AFAP1: variants seen among roughly 807,000 people sequenced by gnomAD.
AFAP1 encodes the protein actin filament-associated protein 1.
AFAP1 carries 75 observed loss-of-function variants against 93.9 expected under a neutral mutation model. The ratio of observed to expected loss-of-function variants is 0.80; its 90% CI spans 0.66 to 0.97. The LOEUF (loss-of-function observed/expected upper bound fraction) is 0.97. Ranked by LOEUF, AFAP1 falls within the 50% of genes least tolerant of loss-of-function variation. AFAP1 has a pLI of 0.00. For missense variants in AFAP1, 1,201 were observed against 1,050.8 expected (o/e 1.14, Z -1.98); for synonymous variants, 517 against 430.7 (o/e 1.20, Z -2.48).
intron 5 of AFAP1, among the ~76,000 whole-genome samples, chr4:7,840,402 C>T (rs902919041): frequency 1.3e-5 from 2 of 151,990 alleles, no homozygotes; most frequent in East Asian, 1.9e-4. Flanking sequence ...CAACCTCCCC[C>T]TCCTGGGTTC....
At chr4:7,809,507 G>C (rs1429235271) in intron 9 of AFAP1, 107 bp downstream of exon 9, 5 of 1,320,334 alleles carry the variant, frequency 3.8e-6, no homozygotes, top group Middle Eastern at 2.7e-4. Flanking sequence ...CAATGCAAAA[G>C]AGCTCAAATT....
chr4:7,825,347 A>T (rs970601891), intron 6 of AFAP1, among the ~76,000 whole-genome samples: 10 of 152,170 alleles, frequency 6.6e-5, no homozygotes, highest in East Asian at 5.8e-4. Flanking sequence ...TTTAGTTTTT[A>T]AAAAAAATCT....
chr4:7,768,157 C>G (rs547701145), intron 17 of AFAP1, among the ~76,000 whole-genome samples: 1 of 152,238 alleles, frequency 6.6e-6, no homozygotes, highest in African/African-American at 2.4e-5. Flanking sequence ...CCCCTCGGGG[C>G]GGGGCCGGCC....
chr4:7,828,909 T>C (rs1470064632), intron 6 of AFAP1, among the ~76,000 whole-genome samples: 4 of 152,188 alleles, frequency 2.6e-5, no homozygotes, highest in South Asian at 2.1e-4. Flanking sequence ...TCATCTTGAA[T>C]TGTAGTTCCC....
chr4:7,784,747 G>A lies in AFAP1; in HGVS notation c.1530+1447C>T, dbSNP rs548226909. Among the ~76,000 whole-genome samples, 252 of 152,178 alleles carry A rather than the reference G, an allele frequency of 1.7e-3. 3 individuals carry two copies. The highest frequency in any genetic ancestry group is 6.8e-4 in the Non-Finnish European group (46 of 68,000). ...GGATGGGCCACCCACTTCCGACCCC[G>A]GCCACTAGAACCTGCTTTCAGTTTG... On this transcript the variant is annotated intron_variant, in intron 12 of 17. Transcript: ENST00000420658.
chr4:7,768,889 G>C lies in AFAP1; in HGVS notation c.2373C>G (p.Ala791=), dbSNP rs114348397. ...SAAVLKKSQA[A]PGSSPCRGHV... Reference sequence around the variant, plus strand: ...GCCCTCGGCAGGGGGAGCTGCCCGGGGCAGCCTGGCTCTTCTTCAAGACGG... The same window carrying C: ...GCCCTCGGCAGGGGGAGCTGCCCGGCGCAGCCTGGCTCTTCTTCAAGACGG... Residue 791 remains alanine (A), a synonymous_variant, in exon 17 of 18, where the codon GCC becomes GCG. Transcript: ENST00000420658. The C allele has an allele frequency of 9.2e-5, 148 of 1,610,998 alleles. 1 individual carries two copies. In the East Asian group the frequency reaches 3.3e-3, roughly 36 times the overall value.
intron 1 of AFAP1, among the ~76,000 whole-genome samples, chr4:7,881,231 A>G (rs1717825004): frequency 6.6e-6 from 1 of 151,888 alleles, no homozygotes; most frequent in Admixed American, 6.6e-5. Context: ...TCTAGTCTAC[A>G]CCACTCATCC....
chr4:7,842,301 C>CAAAAAAAAAAAAAAAAAAAAAAAAAATAA (rs57050150), intron 5 of AFAP1, among the ~76,000 whole-genome samples: 1 of 94,898 alleles, frequency 1.1e-5, no homozygotes, highest in Non-Finnish European at 2.0e-5. Flanking sequence ...CCTGGATTTA[C>CAAAAAAAAAAAAAAAAAAAAAAAAAATAA]AAAAAAAAAA....
intron 6 of AFAP1, among the ~76,000 whole-genome samples, chr4:7,820,672 G>A (rs1720898311): frequency 6.6e-6 from 1 of 152,142 alleles, no homozygotes; most frequent in Non-Finnish European, 1.5e-5. Context: ...GGGAGGAGGA[G>A]ATGAGCAAAG....
intron 1 of AFAP1, among the ~76,000 whole-genome samples, chr4:7,882,810 G>C (rs930410219): frequency 6.6e-6 from 1 of 152,054 alleles, no homozygotes; most frequent in African/African-American, 2.4e-5. Flanking sequence ...AGTGAGCCGA[G>C]ATAGAGCCAC....
chr4:7,868,374 A>G (rs982825615), intron 3 of AFAP1, among the ~76,000 whole-genome samples: 1 of 152,126 alleles, frequency 6.6e-6, no homozygotes, highest in African/African-American at 2.4e-5. Context: ...AGCTCCTGCT[A>G]TAGGTAATTT....
chr4:7,888,845 C>CA, intron 1 of AFAP1, among the ~76,000 whole-genome samples: 1 of 151,974 alleles, frequency 6.6e-6, no homozygotes, highest in East Asian at 1.9e-4. Context: ...GGCTGGAGTG[C>CA]AGTGGCATGA....
chr4:7,843,478 A>G (rs1005855326), intron 4 of AFAP1, 128 bp from the exon 5 acceptor site: 2 of 896,298 alleles, frequency 2.2e-6, no homozygotes, highest in Non-Finnish European at 3.3e-6. Context: ...TCTGCTCCTT[A>G]AGGGAAAAAA....
chr4:7,770,801 C>A (rs1715321518), intron 16 of AFAP1, among the ~76,000 whole-genome samples: 1 of 152,140 alleles, frequency 6.6e-6, no homozygotes, highest in Non-Finnish European at 1.5e-5. Context: ...CCTGCCCTGC[C>A]ACCACCCTCC....
At chr4:7,884,701 C>A (rs1175480720) in intron 1 of AFAP1, among the ~76,000 whole-genome samples, 1 of 152,054 alleles carries the variant, frequency 6.6e-6, no homozygotes, top group South Asian at 2.1e-4. Context: ...ACTTGAAAAC[C>A]CAAACAGAAA....
At chr4:7,905,154 C>T (rs947129567) in intron 1 of AFAP1, among the ~76,000 whole-genome samples, 4 of 152,180 alleles carry the variant, frequency 2.6e-5, no homozygotes, top group African/African-American at 4.8e-5. Flanking sequence ...TGAAGGCATG[C>T]CAGCTCAGAG....
chr4:7,887,346 T>A (rs1718195211), intron 1 of AFAP1, among the ~76,000 whole-genome samples: 2 of 152,154 alleles, frequency 1.3e-5, no homozygotes, highest in African/African-American at 4.8e-5. Flanking sequence ...GCAAACGTGA[T>A]CCCAAGTTAG....
At chr4:7,900,273 G>C (rs996956402) in intron 1 of AFAP1, among the ~76,000 whole-genome samples, 6 of 127,296 alleles carry the variant, frequency 4.7e-5, no homozygotes, top group Non-Finnish European at 1.1e-4. Context: ...CAGAATAAAA[G>C]AAATGAAACC....
In AFAP1 at chr4:7,924,373, T is replaced by C. The variant is rs1014000244; in HGVS notation, c.-3+15283A>G. 2.0e-5 allele frequency among the ~76,000 whole-genome samples: 3 copies of C among 152,216 alleles called. No individual in the cohort carries two copies. The East Asian group carries it at 5.8e-4, about 29-fold the overall frequency. On this transcript the variant is annotated intron_variant, in intron 1 of 17. Coordinates refer to ENST00000420658, the MANE Select transcript of AFAP1 (RefSeq NM_001134647.2). Reference sequence around the variant, plus strand: ...ACAATGAGATGCACAAAAGACAAGATGTATAGAGAACTGGATCAACCACAT... The same window carrying C: ...ACAATGAGATGCACAAAAGACAAGACGTATAGAGAACTGGATCAACCACAT...
Sources: allele counts gnomAD v4.1 joint callset (sites outside exome capture counted in the v4.1 genomes callset), GRCh38; gene constraint gnomAD v4.1.1; transcripts MANE v1.5; gene names NCBI Gene and HGNC (gene_info 2026-07-23, HGNC 2026-07-21).